Variants in GLOD5 observed in about 807,000 individuals in gnomAD.
GLOD5 encodes glyoxalase domain-containing protein 5.
A neutral mutation model predicts 9.9 loss-of-function variants in GLOD5; 7 were observed. The observed-to-expected ratio is 0.71, with a 90% CI of 0.40 to 1.33. GLOD5 has a LOEUF of 1.33. GLOD5 is among the 40% of genes most tolerant of loss of function. The probability of loss-of-function intolerance (pLI) is 0.01; values close to 1 mark genes in which losing one functional copy is unlikely to be tolerated. For missense variants in GLOD5, 146 were observed against 128.4 expected (o/e 1.14, Z -0.66); for synonymous variants, 49 against 47.3 (o/e 1.04, Z -0.14).
chrX:48,771,585 G>A (rs1284479650), intron 3 of GLOD5, among the ~76,000 whole-genome samples: 2 of 111,622 alleles, frequency 1.8e-5, no homozygotes, highest in East Asian at 5.6e-4. Flanking sequence ...CAAAGTGCTG[G>A]CCATTACAGG....
Position 48,770,424 on chromosome X carries a change from T to C in GLOD5, c.202-503T>C, listed in dbSNP as rs782195071. On this transcript the variant is annotated intron_variant, in intron 2 of 3. Transcript: ENST00000303227. ...TTTCACTGAACAACCAGTCCAGAGG[T>C]AGTTAGTCAGGTCATGGGCAGTGGC... is the stretch of plus-strand genomic sequence containing the variant. Among the ~76,000 whole-genome samples, 8 of 111,099 alleles carry C rather than the reference T, an allele frequency of 7.2e-5. No individual in the cohort carries two copies. In the East Asian group the frequency reaches 2.3e-3, roughly 31 times the overall value.
chrX:48,766,677 G>A (rs2062609836), intron 2 of GLOD5, among the ~76,000 whole-genome samples: 1 of 109,805 alleles, frequency 9.1e-6, no homozygotes, highest in South Asian at 3.9e-4. Context: ...CTTGAGCCTG[G>A]GAGGCAGAGG....
chrX:48,763,561 C>T (rs1557016248), intron 1 of GLOD5, among the ~76,000 whole-genome samples: 1 of 111,076 alleles, frequency 9.0e-6, no homozygotes, highest in Non-Finnish European at 1.9e-5. Context: ...GGCATGGTGG[C>T]ACACACCTGT....
At chrX:48,769,230 G>A (rs1442005466) in intron 2 of GLOD5, among the ~76,000 whole-genome samples, 1 of 109,036 alleles carries the variant, frequency 9.2e-6, no homozygotes, top group African/African-American at 3.3e-5. Flanking sequence ...GCAGCCAAGC[G>A]TGGTGGCTCA....
intron 2 of GLOD5, among the ~76,000 whole-genome samples, chrX:48,768,776 T>C (rs1319751506): frequency 9.0e-6 from 1 of 111,730 alleles, no homozygotes; most frequent in Non-Finnish European, 1.9e-5. Flanking sequence ...ACGCCTGTAA[T>C]CCCAACACTT....
chrX:48,762,989 G>A (rs183482350), intron 1 of GLOD5, among the ~76,000 whole-genome samples: 1 of 112,135 alleles, frequency 8.9e-6, no homozygotes, highest in African/African-American at 3.2e-5. Flanking sequence ...GGGAAGAATA[G>A]AATAATGGGA....
At chrX:48,765,057 C>T (rs1400625822) in intron 1 of GLOD5, among the ~76,000 whole-genome samples, 1 of 110,897 alleles carries the variant, frequency 9.0e-6, no homozygotes, top group Non-Finnish European at 1.9e-5. Context: ...GCCCAGAAAC[C>T]TTCATTTCTT....
Position 48,771,083 on chromosome X carries a change from G to A in GLOD5, c.357+1G>A. 8.6e-7 allele frequency: 1 copy of A among 1,168,071 alleles called. No individual in the cohort carries two copies. Among genetic ancestry groups the A allele is most frequent in the Non-Finnish European group, 1.1e-6 (1 of 875,960 alleles). On this transcript the variant is annotated splice_donor_variant, in intron 3 of 3. Transcript: ENST00000303227. LOFTEE classifies it high-confidence loss of function. ...GGAGGAAATGATCCAGCACCTCAAG[G>A]TGAGTGGGACTTCTCTTCTTTTTGC...
intron 2 of GLOD5, among the ~76,000 whole-genome samples, 160 bp from the exon 3 acceptor site, chrX:48,770,767 G>A (rs1419633499): frequency 8.9e-6 from 1 of 111,849 alleles, no homozygotes; most frequent in Non-Finnish European, 1.9e-5. Context: ...CTTGCCTCTA[G>A]GGAATGAGCC....
At chrX:48,763,606 T>C (rs1048286129) in intron 1 of GLOD5, among the ~76,000 whole-genome samples, 5 of 111,893 alleles carry the variant, frequency 4.5e-5, no homozygotes, top group African/African-American at 1.6e-4. Context: ...AGTAGGAGGA[T>C]TGCTTGAGTC....
chrX:48,762,018 C>T (rs919787937), intron 1 of GLOD5, among the ~76,000 whole-genome samples, 165 bp downstream of exon 1: 1 of 111,139 alleles, frequency 9.0e-6, no homozygotes, highest in Non-Finnish European at 1.9e-5. Flanking sequence ...AGGCCCGGCT[C>T]TAAGCCATGG....
At chrX:48,763,941 A>G (rs1201722803) in intron 1 of GLOD5, among the ~76,000 whole-genome samples, 4 of 112,125 alleles carry the variant, frequency 3.6e-5, no homozygotes, top group Middle Eastern at 4.6e-3. Context: ...GCTGGTTTCA[A>G]TGGAACTAAA....
At chrX:48,769,578 TAAGGAGCTAA>T (rs1271754445) in intron 2 of GLOD5, among the ~76,000 whole-genome samples, 2 of 111,204 alleles carry the variant, frequency 1.8e-5, no homozygotes, top group African/African-American at 6.5e-5. Context: ...TAAAAATTGT[TAAGGAGCTAA>T]AAGAGAAACT....
chrX:48,767,782 A>C (rs1446366950), intron 2 of GLOD5, among the ~76,000 whole-genome samples: 4 of 111,440 alleles, frequency 3.6e-5, no homozygotes, highest in Non-Finnish European at 7.5e-5. Flanking sequence ...ACTTAAATGC[A>C]TATTACTAAG....
In GLOD5 at chrX:48,773,278, C is replaced by T. The variant is rs377587944; in HGVS notation, c.358-32C>T. 4.6e-4 allele frequency: 558 copies of T among 1,204,076 alleles called. 1 individual carries two copies. Among genetic ancestry groups the T allele is most frequent in the Non-Finnish European group, 5.5e-4 (487 of 891,794 alleles). ...TTTTGGTCTCACACACACATTTTGA[C>T]GAACGACTTTTGTCTTTTCTTCCCA... On this transcript the variant is annotated intron_variant, in intron 3 of 3. Transcript: ENST00000303227.
At chrX:48,765,248 C>A in intron 1 of GLOD5, among the ~76,000 whole-genome samples, 1 of 110,394 alleles carries the variant, frequency 9.1e-6, no homozygotes, top group Non-Finnish European at 1.9e-5. Flanking sequence ...GGTCTCCACT[C>A]CCCTAATCTT....
intron 2 of GLOD5, among the ~76,000 whole-genome samples, chrX:48,766,985 C>A (rs868927254): frequency 3.6e-3 from 11 of 3,015 alleles, no homozygotes; most frequent in Admixed American, 0.011. Flanking sequence ...GATTCCATCT[C>A]AAAAAAAAAA....
At chrX:48,765,524 G>A in intron 1 of GLOD5, 2 of 294,924 alleles carry the variant, frequency 6.8e-6, no homozygotes, top group Non-Finnish European at 1.3e-5. Flanking sequence ...GTTGCAGTGA[G>A]GTGAGATTGT....
rs2062608147 is a variant in GLOD5, at chrX:48,765,907, A to C, written c.136A>C (p.Lys46Gln). The part of the protein sequence containing the change: ...RRLDHIVMTV[K>Q]SIKDTTMFYS... ...ACTTGACCACATCGTGATGACGGTG[A>C]AGAGCATCAAAGACACCACCATGTT... The change falls in exon 2 of 4, where the codon AAG becomes CAG. Residue 46 changes from lysine (K) to glutamine (Q), a missense_variant. Transcript: ENST00000303227. The C allele has an allele frequency of 8.3e-7, 1 of 1,202,391 alleles. No homozygotes were observed. The highest frequency in any genetic ancestry group is 1.1e-6 in the Non-Finnish European group (1 of 889,783).
Sources: gnomAD v4.1 joint callset for allele counts (sites outside exome capture counted in the v4.1 genomes callset) on GRCh38, gnomAD v4.1.1 for gene constraint, MANE v1.5 for transcripts, NCBI Gene and HGNC (gene_info 2026-07-23, HGNC 2026-07-21) for gene names.